HCN1: variants seen among roughly 807,000 people sequenced by gnomAD.
HCN1 encodes the protein hyperpolarization activated cyclic nucleotide gated potassium channel 1, also known as potassium/sodium hyperpolarization-activated cyclic nucleotide-gated channel 1.
HCN1 carries 13 observed loss-of-function variants against 78.9 expected under a neutral mutation model. That is an observed-to-expected ratio of 0.16 (90% CI 0.11 to 0.26). The LOEUF (loss-of-function observed/expected upper bound fraction) is 0.26, where lower values mean the gene tolerates loss of function less well. Among genes scored for constraint, HCN1 ranks in the 10% least tolerant of loss-of-function variants. HCN1 has a pLI of 1.00. For synonymous variants in HCN1, 552 were observed against 455.5 expected (o/e 1.21, Z -2.70); for missense variants, 810 against 1,154.3 (o/e 0.70, Z 4.32).
chr5:45,587,680 C>A (rs1744262595), intron 2 of HCN1, among the ~76,000 whole-genome samples: 1 of 151,922 alleles, frequency 6.6e-6, no homozygotes, highest in Non-Finnish European at 1.5e-5. Context: ...TACATGTACC[C>A]TAGAACTTAA....
intron 3 of HCN1, among the ~76,000 whole-genome samples, chr5:45,400,588 A>G (rs1385891774): frequency 2.0e-5 from 3 of 151,622 alleles, no homozygotes; most frequent in Non-Finnish European, 4.4e-5. Context: ...ACGGGGTTTC[A>G]CCATGTTGGT....
In HCN1 at chr5:45,299,811, G is replaced by C. The variant is rs141921395; in HGVS notation, c.1618+3788C>G. Among the ~76,000 whole-genome samples, 433 of 151,964 alleles carry C rather than the reference G, an allele frequency of 2.8e-3. 1 individual carries two copies. Among genetic ancestry groups the C allele is most frequent in the African/African-American group, 9.9e-3 (412 of 41,476 alleles). On this transcript the variant is annotated intron_variant, in intron 6 of 7. Transcript: ENST00000303230. ...GAAAAAGTTTTATTATTCTTTCTAAGAAGTGAGCATAACCTGATATCCAAA... is the reference window on the plus strand; with the variant it reads ...GAAAAAGTTTTATTATTCTTTCTAACAAGTGAGCATAACCTGATATCCAAA...
intron 3 of HCN1, among the ~76,000 whole-genome samples, chr5:45,458,681 CAGAGTCAGATATATA>C (rs1220387019): frequency 1.3e-5 from 2 of 152,128 alleles, no homozygotes; most frequent in Non-Finnish European, 2.9e-5. Flanking sequence ...GCAGAAATTA[CAGAGTCAGATATATA>C]AGCATTCTAC....
At chr5:45,343,339 C>T (rs1746622831) in intron 5 of HCN1, among the ~76,000 whole-genome samples, 1 of 152,114 alleles carries the variant, frequency 6.6e-6, no homozygotes. Context: ...ATTAATTTGA[C>T]CGTGGTATTT....
At chr5:45,326,044 C>A (rs966188308) in intron 5 of HCN1, among the ~76,000 whole-genome samples, 1 of 151,336 alleles carries the variant, frequency 6.6e-6, no homozygotes, top group African/African-American at 2.4e-5. Flanking sequence ...TTATTTAACT[C>A]CCCTTTCATT....
Position 45,312,825 on chromosome 5 carries a change from G to A in HCN1, c.1378-8986C>T, listed in dbSNP as rs1029865345. Among the ~76,000 whole-genome samples the A allele has an allele frequency of 7.9e-5, 12 of 152,184 alleles. No homozygotes were observed. The East Asian group carries it at 1.4e-3, about 17-fold the overall frequency. On this transcript the variant is annotated intron_variant, in intron 5 of 7. Coordinates refer to ENST00000303230, the MANE Select transcript of HCN1 (RefSeq NM_021072.4). The stretch of plus-strand genomic sequence containing the variant: ...GTGGCAGTGAGGCTGGGGGAGGGGC[G>A]CCCACCATTGCTGAGGCTTGAGTAG...
intron 2 of HCN1, among the ~76,000 whole-genome samples, chr5:45,616,021 T>C (rs1292404110): frequency 6.6e-6 from 1 of 151,038 alleles, no homozygotes; most frequent in African/African-American, 2.4e-5. Flanking sequence ...CCAGGAAGTA[T>C]GCAAATGAAA....
At chr5:45,449,560 T>C (rs1242013831) in intron 3 of HCN1, among the ~76,000 whole-genome samples, 1 of 152,128 alleles carries the variant, frequency 6.6e-6, no homozygotes, top group African/African-American at 2.4e-5. Context: ...ATTTTACTAC[T>C]TTTGGACCTT....
intron 2 of HCN1, chr5:45,643,095 T>C (rs1306254123): frequency 2.0e-5 from 3 of 152,156 alleles, no homozygotes; most frequent in African/African-American, 7.2e-5. Context: ...ACAATAATGA[T>C]AGCAGTGAGC....
chr5:45,583,242 G>C (rs560428174), intron 2 of HCN1, among the ~76,000 whole-genome samples: 1 of 152,098 alleles, frequency 6.6e-6, no homozygotes, highest in Admixed American at 6.6e-5. Flanking sequence ...CTTCTTACTG[G>C]TTTAGTCTTG....
intron 2 of HCN1, chr5:45,480,095 A>G (rs1220539402): frequency 6.6e-6 from 1 of 152,618 alleles, no homozygotes; most frequent in Admixed American, 6.5e-5. Flanking sequence ...CTTGCTTATG[A>G]CAGAGTTATT....
At chr5:45,638,118 T>A (rs1745390554) in intron 2 of HCN1, among the ~76,000 whole-genome samples, 1 of 152,150 alleles carries the variant, frequency 6.6e-6, no homozygotes, top group Non-Finnish European at 1.5e-5. Context: ...GACTTGGTTA[T>A]TTCTTAGAAA....
rs1739992475 is a variant in HCN1 at position 45,695,587 on chromosome 5, G to A, written c.425+82C>T. The A allele has an allele frequency of 3.5e-6, 5 of 1,410,988 alleles. No individual in the cohort carries two copies. In the South Asian group the frequency reaches 4.8e-5, roughly 14 times the overall value. 87.4% of individuals were successfully genotyped at this position (1,410,988 alleles called of 1,614,324 possible). A position where few individuals can be genotyped will look rare whatever the true frequency, so the allele number is the denominator to read the frequency against. ...CCCCCGCCCGCCCTCCTAGTCCCCGGGACGCCCCCCACCCAAGGGCGGGGA... is the reference window on the plus strand; with the variant it reads ...CCCCCGCCCGCCCTCCTAGTCCCCGAGACGCCCCCCACCCAAGGGCGGGGA... On this transcript the variant is annotated intron_variant, in intron 1 of 7. Transcript: ENST00000303230.
At chr5:45,454,967 C>G (rs899689815) in intron 3 of HCN1, among the ~76,000 whole-genome samples, 1 of 151,992 alleles carries the variant, frequency 6.6e-6, no homozygotes, top group African/African-American at 2.4e-5. Flanking sequence ...CTAGAAGTGC[C>G]TGAAGTATCT....
At chr5:45,599,031 A>G (rs376212690) in intron 2 of HCN1, among the ~76,000 whole-genome samples, 2 of 152,330 alleles carry the variant, frequency 1.3e-5, no homozygotes, top group East Asian at 1.9e-4. Context: ...CTAGAACTAG[A>G]AATACCATTT....
chr5:45,492,325 A>T (rs1378721514), intron 2 of HCN1, among the ~76,000 whole-genome samples: 2 of 147,710 alleles, frequency 1.4e-5, no homozygotes, highest in African/African-American at 2.5e-5. Flanking sequence ...TGTGTGTGAG[A>T]GAGAGAGGAT....
chr5:45,278,689 A>G (rs1407887655), intron 6 of HCN1, among the ~76,000 whole-genome samples: 1 of 152,148 alleles, frequency 6.6e-6, no homozygotes, highest in African/African-American at 2.4e-5. Context: ...GTATGTGTTA[A>G]TTGATAGAGG....
chr5:45,310,003 T>C (rs916079450), intron 5 of HCN1, among the ~76,000 whole-genome samples: 1 of 152,072 alleles, frequency 6.6e-6, no homozygotes, highest in Non-Finnish European at 1.5e-5. Context: ...CTTGGGCTTT[T>C]TTTGGTTGGT....
At chr5:45,374,517 A>G (rs1477994885) in intron 4 of HCN1, among the ~76,000 whole-genome samples, 1 of 149,798 alleles carries the variant, frequency 6.7e-6, no homozygotes, top group Non-Finnish European at 1.5e-5. Context: ...AAATCCTGCC[A>G]ACCACAAAAA....
Sources: allele counts gnomAD v4.1 joint callset (sites outside exome capture counted in the v4.1 genomes callset), GRCh38; gene constraint gnomAD v4.1.1; transcripts MANE v1.5; gene names NCBI Gene and HGNC (gene_info 2026-07-23, HGNC 2026-07-21).